The following CCSER1 variants were observed in gnomAD, a reference collection of about 807,000 sequenced individuals.
CCSER1 encodes coiled-coil serine rich protein 1.
In CCSER1, 41 loss-of-function variants were observed where a neutral mutation model predicts 82.0. The observed-to-expected ratio is 0.50, with a 90% CI of 0.39 to 0.65. The LOEUF (loss-of-function observed/expected upper bound fraction) is 0.65. Ranked by LOEUF, CCSER1 falls within the 30% of genes least tolerant of loss-of-function variation. The probability of loss-of-function intolerance (pLI) is 0.00; values close to 1 mark genes in which losing one functional copy is unlikely to be tolerated. For synonymous variants in CCSER1, 414 were observed against 383.9 expected, an observed-to-expected ratio of 1.08 and a Z score of -0.92; for missense variants, 1,119 against 1,064.2, an observed-to-expected ratio of 1.05 and a Z score of -0.72.
chr4:91,471,969 C>CA (rs11313305), intron 10 of CCSER1, among the ~76,000 whole-genome samples: 16 of 88,090 alleles, frequency 1.8e-4, no homozygotes, highest in East Asian at 6.7e-4. Flanking sequence ...CACTCCATCT[C>CA]AAAAAAAAAA....
At chr4:90,501,303 G>A (rs1769835140) in intron 5 of CCSER1, among the ~76,000 whole-genome samples, 1 of 152,086 alleles carries the variant, frequency 6.6e-6, no homozygotes, top group Non-Finnish European at 1.5e-5. Context: ...TAAATTTCCG[G>A]TCTTTAAAGT....
intron 9 of CCSER1, among the ~76,000 whole-genome samples, chr4:91,003,836 G>A (rs953242168): frequency 4.6e-5 from 7 of 152,162 alleles, no homozygotes; most frequent in African/African-American, 1.7e-4. Flanking sequence ...CTCCCCAAGG[G>A]CCTCTGAGAG....
chr4:90,892,164 T>C (rs2150117193), intron 8 of CCSER1, among the ~76,000 whole-genome samples: 1 of 152,248 alleles, frequency 6.6e-6, no homozygotes, highest in African/African-American at 2.4e-5. Context: ...TCACAAAATC[T>C]GAAGTTGAGA....
chr4:91,177,079 T>A (rs187476495), intron 10 of CCSER1, among the ~76,000 whole-genome samples: 2,089 of 152,304 alleles, frequency 0.014, 41 homozygotes, highest in African/African-American at 0.047. Flanking sequence ...GAGATAATCA[T>A]GTGGTTTTTG....
chr4:90,967,483 T>C (rs1490341984), intron 9 of CCSER1, among the ~76,000 whole-genome samples: 1 of 151,882 alleles, frequency 6.6e-6, no homozygotes, highest in Non-Finnish European at 1.5e-5. Context: ...CCCATGGTGC[T>C]GGGACAACAA....
At chr4:90,579,617 T>G (rs1247390767) in intron 5 of CCSER1, among the ~76,000 whole-genome samples, 1 of 152,186 alleles carries the variant, frequency 6.6e-6, no homozygotes, top group Non-Finnish European at 1.5e-5. Context: ...GTAGCTATTT[T>G]CAAAAGCAAT....
intron 10 of CCSER1, among the ~76,000 whole-genome samples, chr4:91,234,995 T>A (rs1314461729): frequency 1.3e-5 from 2 of 152,020 alleles, no homozygotes; most frequent in Admixed American, 6.6e-5. Context: ...GTGCCAACTC[T>A]CCAGTCAGGC....
In CCSER1 at chr4:90,833,210, C is replaced by T. The variant is rs61587825; in HGVS notation, c.2094+17365C>T. On this transcript the variant is annotated intron_variant, in intron 8 of 10. Coordinates refer to ENST00000509176, the MANE Select transcript of CCSER1 (RefSeq NM_001145065.2). ...CTTCCAAGATGACACCTTGTTGCTG[C>T]GCTGTGTCCTCAAATGGAAGAAAGG... Among the ~76,000 whole-genome samples the T allele has an allele frequency of 8.7e-3, 1,318 of 152,218 alleles. 39 individuals are homozygous for T. Among genetic ancestry groups the T allele is most frequent in the East Asian group, 0.084 (437 of 5,174 alleles).
At chr4:90,965,017 C>T (rs1279684036) in intron 9 of CCSER1, among the ~76,000 whole-genome samples, 8 of 152,104 alleles carry the variant, frequency 5.3e-5, no homozygotes, top group African/African-American at 1.9e-4. Context: ...GGAGCTACCC[C>T]CAAAAGCCTC....
intron 6 of CCSER1, among the ~76,000 whole-genome samples, chr4:90,716,078 G>A (rs9996577): frequency 0.13 from 20,008 of 150,738 alleles, 1,518 homozygotes; most frequent in East Asian, 0.27. Flanking sequence ...TACCCTATAT[G>A]TATAAAAATA....
chr4:90,698,188 G>A (rs539496923), intron 6 of CCSER1, among the ~76,000 whole-genome samples: 2 of 152,222 alleles, frequency 1.3e-5, no homozygotes, highest in Admixed American at 6.5e-5. Context: ...ATCTTGAGAG[G>A]GACTTAAGTA....
At chr4:91,000,577 C>T (rs1418036455) in intron 9 of CCSER1, among the ~76,000 whole-genome samples, 5 of 151,804 alleles carry the variant, frequency 3.3e-5, no homozygotes, top group African/African-American at 4.8e-5. Context: ...TTTCCATTTG[C>T]CTGTGTCATC....
At chr4:90,185,282 T>C (rs952635591) in intron 1 of CCSER1, among the ~76,000 whole-genome samples, 2 of 152,092 alleles carry the variant, frequency 1.3e-5, no homozygotes, top group African/African-American at 4.8e-5. Context: ...TATTATTGAC[T>C]GATTTGTTTC....
At chr4:90,136,643 A>G (rs17810668) in intron 1 of CCSER1, among the ~76,000 whole-genome samples, 5,372 of 152,348 alleles carry the variant, frequency 0.035, 144 homozygotes, top group Non-Finnish European at 0.051. Context: ...CATGGCAAAA[A>G]TAAATGGCTA....
chr4:90,580,969 G>A (rs1470404026), intron 5 of CCSER1, among the ~76,000 whole-genome samples: 1 of 152,114 alleles, frequency 6.6e-6, no homozygotes. Context: ...TAACTAGAAA[G>A]ACCTTTTTAC....
At chr4:91,084,538 TTATAC>T (rs375882518) in intron 9 of CCSER1, among the ~76,000 whole-genome samples, 50 of 152,262 alleles carry the variant, frequency 3.3e-4, no homozygotes, top group Non-Finnish European at 5.7e-4. Context: ...AAGCATCCCA[TTATAC>T]TATCTCCCAG....
At chr4:91,024,185 A>G (rs768550325) in intron 9 of CCSER1, among the ~76,000 whole-genome samples, 1 of 152,128 alleles carries the variant, frequency 6.6e-6, no homozygotes, top group Non-Finnish European at 1.5e-5. Context: ...CCACCTCTCA[A>G]TACTGCTACA....
chr4:91,371,525 G>A (rs76354177), intron 10 of CCSER1, among the ~76,000 whole-genome samples: 11,021 of 152,012 alleles, frequency 0.073, 1,346 homozygotes, highest in African/African-American at 0.25. Flanking sequence ...TTTAATTGCT[G>A]AATAGTATCC....
chr4:91,417,669 C>A (rs1262497560), intron 10 of CCSER1, among the ~76,000 whole-genome samples: 1 of 151,544 alleles, frequency 6.6e-6, no homozygotes, highest in Non-Finnish European at 1.5e-5. Flanking sequence ...TGTTTAGGAA[C>A]AACACACACT....
Sources: gnomAD v4.1 joint callset for allele counts (sites outside exome capture counted in the v4.1 genomes callset) on GRCh38, gnomAD v4.1.1 for gene constraint, MANE v1.5 for transcripts, NCBI Gene and HGNC (gene_info 2026-07-23, HGNC 2026-07-21) for gene names.